The following SCFD2 variants were observed in gnomAD, a reference collection of about 807,000 sequenced individuals.
The protein encoded by SCFD2 is sec1 family domain containing 2.
SCFD2 carries 54 observed loss-of-function variants against 58.9 expected under a neutral mutation model. That is an observed-to-expected ratio of 0.92 (90% CI 0.74 to 1.15). The LOEUF (loss-of-function observed/expected upper bound fraction) is 1.15. SCFD2 is among the 50% of genes most tolerant of loss of function. The pLI is 0.00. For synonymous variants in SCFD2, 321 were observed against 335.9 expected (o/e 0.96, Z 0.49); for missense variants, 805 against 836.6 (o/e 0.96, Z 0.47).
intron 5 of SCFD2, among the ~76,000 whole-genome samples, chr4:53,139,328 C>T (rs556703654): frequency 7.3e-4 from 111 of 151,936 alleles, no homozygotes; most frequent in East Asian, 6.0e-3. Context: ...TCTGCCCGGC[C>T]GCCCATCGTC....
At chr4:53,187,131 G>A (rs7693858) in intron 4 of SCFD2, among the ~76,000 whole-genome samples, 148,499 of 152,188 alleles carry the variant, frequency 0.98, 72,567 homozygotes, top group Middle Eastern at 1. Context: ...TAAAACTCCA[G>A]TAGAAAAGAA....
At chr4:53,015,177 A>C (rs2148810227) in intron 5 of SCFD2, among the ~76,000 whole-genome samples, 1 of 152,302 alleles carries the variant, frequency 6.6e-6, no homozygotes, top group East Asian at 1.9e-4. Context: ...ATTTAAGGTA[A>C]TTTTAACAGA....
intron 5 of SCFD2, among the ~76,000 whole-genome samples, chr4:53,069,148 G>A (rs1457132351): frequency 6.6e-6 from 1 of 152,008 alleles, no homozygotes; most frequent in Non-Finnish European, 1.5e-5. Context: ...ATCCGCTAGG[G>A]AATCCAGAGA....
intron 4 of SCFD2, among the ~76,000 whole-genome samples, chr4:53,242,674 A>G (rs1729937622): frequency 6.6e-6 from 1 of 152,248 alleles, no homozygotes; most frequent in African/African-American, 2.4e-5. Context: ...ATGAATAGAT[A>G]TAAAGATCAG....
intron 4 of SCFD2, among the ~76,000 whole-genome samples, chr4:53,256,492 G>A (rs1169227803): frequency 1.3e-5 from 2 of 152,268 alleles, no homozygotes; most frequent in East Asian, 3.9e-4. Flanking sequence ...GCCGGGCAGA[G>A]GCTGCAATCT....
chr4:53,004,400 T>G (rs375280875), intron 5 of SCFD2, among the ~76,000 whole-genome samples: 3 of 152,356 alleles, frequency 2.0e-5, no homozygotes, highest in African/African-American at 4.8e-5. Flanking sequence ...ATCTGGTGGC[T>G]GGCCAGACAC....
intron 5 of SCFD2, among the ~76,000 whole-genome samples, chr4:53,044,846 T>A (rs1331745481): frequency 1.3e-5 from 2 of 150,790 alleles, no homozygotes; most frequent in African/African-American, 4.9e-5. Context: ...TTTTTCCTTT[T>A]TGTCTGCACA....
chr4:53,084,225 G>A (rs375245518), intron 5 of SCFD2, among the ~76,000 whole-genome samples: 15 of 152,070 alleles, frequency 9.9e-5, no homozygotes, highest in Admixed American at 5.2e-4. Context: ...CTCCAGGAAC[G>A]CATTCCTTTT....
intron 5 of SCFD2, among the ~76,000 whole-genome samples, chr4:52,947,939 AATACAAACAACCAAGT>A: frequency 6.6e-6 from 1 of 151,604 alleles, no homozygotes. Context: ...CAATTGGAAA[AATACAAACAACCAAGT>A]AGAAAAATAG....
chr4:53,012,275 T>C (rs1722110967), intron 5 of SCFD2, among the ~76,000 whole-genome samples: 1 of 152,102 alleles, frequency 6.6e-6, no homozygotes, highest in Non-Finnish European at 1.5e-5. Flanking sequence ...ACGAATTGCA[T>C]GGCTTACAAG....
chr4:53,217,168 G>T (rs1224181851), intron 4 of SCFD2, among the ~76,000 whole-genome samples: 11 of 152,118 alleles, frequency 7.2e-5, no homozygotes. Context: ...AGGTCCACTT[G>T]GTGCAGAGCT....
chr4:53,342,676 C>G (rs1448167199), intron 2 of SCFD2, among the ~76,000 whole-genome samples: 1 of 152,188 alleles, frequency 6.6e-6, no homozygotes. Flanking sequence ...CACCATATTG[C>G]ACTTATTCCA....
At chr4:53,329,813 C>T (rs1272333063) in intron 2 of SCFD2, among the ~76,000 whole-genome samples, 24 of 151,706 alleles carry the variant, frequency 1.6e-4, no homozygotes, top group African/African-American at 5.1e-4. Context: ...CGGGAGGACA[C>T]TCAAACCAAA....
intron 3 of SCFD2, among the ~76,000 whole-genome samples, chr4:53,307,685 C>T (rs1453510365): frequency 6.6e-6 from 1 of 152,192 alleles, no homozygotes; most frequent in Non-Finnish European, 1.5e-5. Flanking sequence ...ATTATTAAAA[C>T]TTACAAATGT....
intron 5 of SCFD2, among the ~76,000 whole-genome samples, chr4:53,002,111 G>A (rs1019038468): frequency 2.0e-5 from 3 of 152,172 alleles, no homozygotes; most frequent in Non-Finnish European, 4.4e-5. Flanking sequence ...AGGTCAGAAT[G>A]ATACGGTTCA....
intron 4 of SCFD2, among the ~76,000 whole-genome samples, chr4:53,235,782 CGT>C (rs1473444872): frequency 6.6e-6 from 1 of 152,042 alleles, no homozygotes; most frequent in Non-Finnish European, 1.5e-5. Flanking sequence ...TATGAGCATG[CGT>C]GTGTGTGCAT....
intron 5 of SCFD2, among the ~76,000 whole-genome samples, chr4:53,026,401 CTA>C (rs1376980764): frequency 1.3e-5 from 2 of 152,198 alleles, no homozygotes; most frequent in African/African-American, 4.8e-5. Flanking sequence ...GGTTGACATT[CTA>C]TAGGTATTTG....
chr4:53,272,714 AG>A (rs967907763), intron 4 of SCFD2, among the ~76,000 whole-genome samples: 13 of 143,978 alleles, frequency 9.0e-5, no homozygotes, highest in African/African-American at 3.4e-4. Flanking sequence ...GGTGGGGGGA[AG>A]GGGAGAGGGA....
chr4:52,899,698 C>T (rs1186710873), intron 7 of SCFD2, among the ~76,000 whole-genome samples: 1 of 152,172 alleles, frequency 6.6e-6, no homozygotes, highest in Non-Finnish European at 1.5e-5. Context: ...TGTTGGCCTG[C>T]CTTGCTAGAT....
Sources: gnomAD v4.1 joint callset for allele counts (sites outside exome capture counted in the v4.1 genomes callset) on GRCh38, gnomAD v4.1.1 for gene constraint, MANE v1.5 for transcripts, NCBI Gene and HGNC (gene_info 2026-07-23, HGNC 2026-07-21) for gene names.